Variants in ANKFN1 observed in about 807,000 individuals in gnomAD.
The protein encoded by ANKFN1 is ankyrin repeat and fibronectin type-III domain-containing protein 1.
ANKFN1 carries 74 observed loss-of-function variants against 108.7 expected under a neutral mutation model. That is an observed-to-expected ratio of 0.68 (90% CI 0.56 to 0.83). The LOEUF (loss-of-function observed/expected upper bound fraction) is 0.83. ANKFN1 is among the 40% of genes least tolerant of loss of function. The pLI is 0.00. For synonymous variants in ANKFN1, 547 were observed against 516.2 expected, an observed-to-expected ratio of 1.06 and a Z score of -0.81; for missense variants, 1,505 against 1,382.3, an observed-to-expected ratio of 1.09 and a Z score of -1.41.
chr17:56,469,594 C>A (rs1386335163), intron 15 of ANKFN1, among the ~76,000 whole-genome samples: 1 of 152,090 alleles, frequency 6.6e-6, no homozygotes, highest in Non-Finnish European at 1.5e-5. Context: ...ACCGACTCCA[C>A]CCTTTCTGGT....
chr17:56,454,322 C>T lies in ANKFN1; in HGVS notation c.1208-2539C>T, dbSNP rs1228593940. Among the ~76,000 whole-genome samples, 4 of 152,240 alleles carry T rather than the reference C, an allele frequency of 2.6e-5. No individual in the cohort carries two copies. In the South Asian group the frequency reaches 8.3e-4, roughly 32 times the overall value. ...TGTCCTCTGGTTATTTTTATAGACTCTTACTCTCTTTATAAGGGATGCAAG... is the reference window on the plus strand; with the variant it reads ...TGTCCTCTGGTTATTTTTATAGACTTTTACTCTCTTTATAAGGGATGCAAG... On this transcript the variant is annotated intron_variant, in intron 11 of 20. Transcript: ENST00000682825.
chr17:56,441,829 C>T (rs1295882057), intron 9 of ANKFN1, among the ~76,000 whole-genome samples: 1 of 151,916 alleles, frequency 6.6e-6, no homozygotes, highest in African/African-American at 2.4e-5. Flanking sequence ...CCATTTTCAA[C>T]ATTAAAACAT....
intron 3 of ANKFN1, among the ~76,000 whole-genome samples, chr17:56,265,180 G>C (rs1203034709): frequency 6.6e-6 from 1 of 152,096 alleles, no homozygotes; most frequent in Non-Finnish European, 1.5e-5. Flanking sequence ...TGTTCTAGTA[G>C]TCCATTCTCA....
chr17:56,163,111 C>G (rs1361679785), intron 1 of ANKFN1, among the ~76,000 whole-genome samples: 1 of 151,806 alleles, frequency 6.6e-6, no homozygotes, highest in African/African-American at 2.4e-5. Context: ...ACATTCCAAA[C>G]TTGCTGGTTG....
intron 4 of ANKFN1, among the ~76,000 whole-genome samples, chr17:56,144,184 A>C (rs74386475): frequency 0.013 from 1,035 of 78,246 alleles, 156 homozygotes; most frequent in Non-Finnish European, 0.017. Flanking sequence ...AAAAAAAAAA[A>C]ACAGCCCAAA....
Position 56,480,721 on chromosome 17 carries a change from T to C in ANKFN1, c.1994T>C (p.Val665Ala). Residue 665 changes from valine (V) to alanine (A), a missense_variant, in exon 17 of 21, where the codon GTG becomes GCG. Val to Ala is a moderately conservative substitution (Grantham distance 64, BLOSUM62 0). Coordinates refer to ENST00000682825, the MANE Select transcript of ANKFN1 (RefSeq NM_001370326.1). The part of the protein sequence containing the change: ...KLSGSESMES[V>A]DHTSDCPMQL... ...TCTGGCTCTGAATCTATGGAAAGTG[T>C]GGATCATACTTCTGACTGCCCCATG... The C allele has an allele frequency of 6.2e-7, 1 of 1,614,068 alleles. No homozygotes were observed.
chr17:56,198,236 G>A (rs554867252), intron 1 of ANKFN1, among the ~76,000 whole-genome samples: 1 of 152,302 alleles, frequency 6.6e-6, no homozygotes, highest in South Asian at 2.1e-4. Flanking sequence ...GAATTGTGGG[G>A]AGGTCTCGTA....
At chr17:56,507,872 C>T (rs2051619222) in intron 20 of ANKFN1, among the ~76,000 whole-genome samples, 1 of 152,170 alleles carries the variant, frequency 6.6e-6, no homozygotes, top group Non-Finnish European at 1.5e-5. Context: ...TCGAAAGCAT[C>T]TTCCTCCTAA....
chr17:56,163,595 A>G (rs1452389865), intron 1 of ANKFN1, among the ~76,000 whole-genome samples: 4 of 152,234 alleles, frequency 2.6e-5, no homozygotes, highest in Non-Finnish European at 5.9e-5. Context: ...GCCCTTGGCA[A>G]CAGATTTCTA....
intron 2 of ANKFN1, among the ~76,000 whole-genome samples, chr17:56,219,174 C>A (rs562681196): frequency 1.3e-5 from 2 of 152,124 alleles, no homozygotes; most frequent in East Asian, 3.9e-4. Flanking sequence ...GGACAAAGGA[C>A]AATATAGTTC....
intron 1 of ANKFN1, among the ~76,000 whole-genome samples, chr17:56,186,126 A>G (rs1345675556): frequency 1.3e-5 from 2 of 152,112 alleles, no homozygotes; most frequent in Admixed American, 1.3e-4. Flanking sequence ...TTACAAGGGT[A>G]AGTTTGGAGG....
chr17:56,167,357 T>C (rs536312365), intron 1 of ANKFN1, among the ~76,000 whole-genome samples: 1 of 145,030 alleles, frequency 6.9e-6, no homozygotes, highest in Admixed American at 6.9e-5. Context: ...TTGAAAACCT[T>C]GGCTCAAATG....
intron 8 of ANKFN1, among the ~76,000 whole-genome samples, chr17:56,376,787 T>C (rs998933308): frequency 5.3e-5 from 8 of 152,194 alleles, no homozygotes; most frequent in African/African-American, 1.7e-4. Flanking sequence ...TAATTAAGCA[T>C]TATAAATAGA....
At chr17:56,326,423 A>G (rs1345810877) in intron 4 of ANKFN1, 68 bp downstream of exon 4, 19 of 1,543,014 alleles carry the variant, frequency 1.2e-5, no homozygotes, top group Non-Finnish European at 1.4e-5. Context: ...GATTATTTTT[A>G]AATGTGTATA....
rs796084607 is a variant in ANKFN1 at position 56,416,133 on chromosome 17, C to A, written c.911-24194C>A. 1.2e-4 allele frequency among the ~76,000 whole-genome samples: 19 copies of A among 152,276 alleles called. No homozygotes were observed. In the East Asian group the frequency reaches 3.5e-3, roughly 28 times the overall value. On this transcript the variant is annotated intron_variant, in intron 8 of 20. Coordinates refer to ENST00000682825, the MANE Select transcript of ANKFN1 (RefSeq NM_001370326.1). ...GTACAAGATAACACTGGAGGAAAAT[C>A]TCCAGGACATTGGTCTACGTAAAAA...
intron 14 of ANKFN1, among the ~76,000 whole-genome samples, chr17:56,461,069 C>G (rs1419652925): frequency 2.6e-5 from 4 of 152,156 alleles, no homozygotes; most frequent in Non-Finnish European, 4.4e-5. Flanking sequence ...AAGTGTGGAA[C>G]CCACAGTGTT....
At chr17:56,466,229 C>CA (rs57013545) in intron 14 of ANKFN1, 127 bp from the exon 15 acceptor site, 80,816 of 678,514 alleles carry the variant, frequency 0.12, 1,722 homozygotes, top group African/African-American at 0.27. Context: ...GGTTTAAGTG[C>CA]AAAAAAAAAA....
upstream of ANKFN1, among the ~76,000 whole-genome samples, chr17:56,150,082 G>A (rs1042066897): frequency 3.3e-5 from 5 of 152,126 alleles, no homozygotes; most frequent in Non-Finnish European, 5.9e-5. Flanking sequence ...TTCTACGTAA[G>A]TTTTTTGGCC....
chr17:56,469,408 G>T (rs2050239794), intron 15 of ANKFN1, among the ~76,000 whole-genome samples: 1 of 152,080 alleles, frequency 6.6e-6, no homozygotes, highest in African/African-American at 2.4e-5. Context: ...ATAGGTCTTG[G>T]TGGTACCCAA....
Sources: allele counts gnomAD v4.1 joint callset (sites outside exome capture counted in the v4.1 genomes callset), GRCh38; gene constraint gnomAD v4.1.1; transcripts MANE v1.5; gene names NCBI Gene and HGNC (gene_info 2026-07-23, HGNC 2026-07-21).